DLGAP2: variants seen among roughly 807,000 people sequenced by gnomAD.
The protein encoded by DLGAP2 is disks large-associated protein 2.
A neutral mutation model predicts 100.3 loss-of-function variants in DLGAP2; 26 were observed. The observed-to-expected ratio is 0.26, with a 90% CI of 0.19 to 0.36. The LOEUF (loss-of-function observed/expected upper bound fraction) is 0.36. DLGAP2 is among the 10% of genes least tolerant of loss of function. The probability of loss-of-function intolerance (pLI) is 1.00; values close to 1 mark genes in which losing one functional copy is unlikely to be tolerated. For missense variants in DLGAP2, 1,858 were observed against 1,453.2 expected, an observed-to-expected ratio of 1.28 and a Z score of -4.53; for synonymous variants, 886 against 630.1, an observed-to-expected ratio of 1.41 and a Z score of -6.08.
At chr8:1,455,497 C>T (rs1380839809) in intron 3 of DLGAP2, among the ~76,000 whole-genome samples, 1 of 152,214 alleles carries the variant, frequency 6.6e-6, no homozygotes, top group Non-Finnish European at 1.5e-5. Context: ...TTGCCCGTGT[C>T]CTTCACGCCT....
chr8:1,601,199 G>C (rs1796612037), intron 6 of DLGAP2, among the ~76,000 whole-genome samples: 1 of 152,206 alleles, frequency 6.6e-6, no homozygotes, highest in South Asian at 2.1e-4. Flanking sequence ...ATCACCAGTG[G>C]AGGTTGCCGA....
At chr8:1,315,483 C>CG (rs1800716767) in intron 3 of DLGAP2, among the ~76,000 whole-genome samples, 1 of 142,832 alleles carries the variant, frequency 7.0e-6, no homozygotes, top group Non-Finnish European at 1.5e-5. Flanking sequence ...AACTCGGCAG[C>CG]TTTTAAAAAT....
intron 2 of DLGAP2, among the ~76,000 whole-genome samples, chr8:1,118,833 A>G (rs1004817126): frequency 6.6e-6 from 1 of 152,188 alleles, no homozygotes; most frequent in Non-Finnish European, 1.5e-5. Flanking sequence ...GAATGATACA[A>G]TTTTTCAAAA....
chr8:1,299,607 T>C (rs1374137326), intron 3 of DLGAP2, among the ~76,000 whole-genome samples: 1 of 152,238 alleles, frequency 6.6e-6, no homozygotes, highest in Non-Finnish European at 1.5e-5. Context: ...TGCTGGGATA[T>C]TCATTTTAAA....
chr8:924,049 T>G (rs1327921777), intron 2 of DLGAP2, among the ~76,000 whole-genome samples: 2 of 152,224 alleles, frequency 1.3e-5, no homozygotes, highest in Non-Finnish European at 2.9e-5. Context: ...ACAGCATCCA[T>G]TGCGTATTGA....
At chr8:756,439 C>T (rs1373304031) in intron 1 of DLGAP2, among the ~76,000 whole-genome samples, 4 of 152,158 alleles carry the variant, frequency 2.6e-5, no homozygotes, top group Non-Finnish European at 5.9e-5. Flanking sequence ...CAGATGCAAT[C>T]TTATATATTA....
intron 2 of DLGAP2, among the ~76,000 whole-genome samples, chr8:1,036,311 A>T (rs548308074): frequency 2.8e-4 from 42 of 152,378 alleles, no homozygotes; most frequent in African/African-American, 9.1e-4. Context: ...AGCAGTAAAC[A>T]TGCCACAGCA....
At chr8:1,028,685 G>T (rs12678439) in intron 2 of DLGAP2, among the ~76,000 whole-genome samples, 1 of 152,200 alleles carries the variant, frequency 6.6e-6, no homozygotes, top group South Asian at 2.1e-4. Flanking sequence ...AGGGTGTGGA[G>T]ACAAAGGAGG....
chr8:840,686 C>T (rs1331490308), intron 1 of DLGAP2, among the ~76,000 whole-genome samples: 1 of 147,292 alleles, frequency 6.8e-6, no homozygotes, highest in African/African-American at 2.5e-5. Flanking sequence ...CGGTGCACAC[C>T]TGTATGTCTC....
intron 3 of DLGAP2, among the ~76,000 whole-genome samples, chr8:1,388,915 C>G (rs575546059): frequency 8.8e-6 from 1 of 113,316 alleles, no homozygotes; most frequent in Non-Finnish European, 1.8e-5. Flanking sequence ...AGGCAGATGC[C>G]GTGGATGAGG....
chr8:898,921 G>A (rs10095829), intron 1 of DLGAP2, among the ~76,000 whole-genome samples: 99,586 of 152,124 alleles, frequency 0.65, 32,670 homozygotes, highest in Admixed American at 0.72. Context: ...CAGCAGCGCC[G>A]ACAGTTCCTG....
chr8:1,342,680 C>T (rs888977996), intron 3 of DLGAP2, among the ~76,000 whole-genome samples: 1 of 152,198 alleles, frequency 6.6e-6, no homozygotes, highest in Non-Finnish European at 1.5e-5. Context: ...TCATCCCTAA[C>T]TTTATATTCC....
At chr8:1,657,967 C>T (rs1286896708) in intron 8 of DLGAP2, among the ~76,000 whole-genome samples, 1 of 152,122 alleles carries the variant, frequency 6.6e-6, no homozygotes, top group East Asian at 1.9e-4. Context: ...CTTCCTTATG[C>T]TGAGGGAGCA....
chr8:951,747 G>C (rs546143008), intron 2 of DLGAP2, among the ~76,000 whole-genome samples: 1 of 152,292 alleles, frequency 6.6e-6, no homozygotes, highest in African/African-American at 2.4e-5. Context: ...CCTCACCTGG[G>C]GCGTCATGCA....
At chr8:1,176,222 C>A (rs772186779) in intron 2 of DLGAP2, among the ~76,000 whole-genome samples, 1 of 152,128 alleles carries the variant, frequency 6.6e-6, no homozygotes, top group African/African-American at 2.4e-5. Flanking sequence ...GTGGGAAATG[C>A]TGCCACTTTC....
chr8:911,072 C>T (rs1037557247), intron 2 of DLGAP2, among the ~76,000 whole-genome samples: 6 of 152,078 alleles, frequency 3.9e-5, no homozygotes, highest in Admixed American at 1.3e-4. Flanking sequence ...CCTTTCATGA[C>T]GAGTCGCTGT....
chr8:1,122,086 C>T (rs1796062637), intron 2 of DLGAP2, among the ~76,000 whole-genome samples: 1 of 152,154 alleles, frequency 6.6e-6, no homozygotes, highest in South Asian at 2.1e-4. Context: ...CCAGAGATTG[C>T]ACTCCCTTAG....
chr8:1,098,122 G>A (rs182713888), intron 2 of DLGAP2, among the ~76,000 whole-genome samples: 1 of 152,354 alleles, frequency 6.6e-6, no homozygotes, highest in Non-Finnish European at 1.5e-5. Context: ...CGTTGGCGGC[G>A]CCACTGGACA....
intron 1 of DLGAP2, among the ~76,000 whole-genome samples, chr8:780,906 A>T (rs1362642722): frequency 6.6e-6 from 1 of 152,192 alleles, no homozygotes; most frequent in African/African-American, 2.4e-5. Flanking sequence ...ATTATTGAGG[A>T]CATCAAAAAA....
Sources: allele counts gnomAD v4.1 joint callset (sites outside exome capture counted in the v4.1 genomes callset), GRCh38; gene constraint gnomAD v4.1.1; transcripts MANE v1.5; gene names NCBI Gene and HGNC (gene_info 2026-07-23, HGNC 2026-07-21).